Variants in DDX17 observed in about 807,000 individuals in gnomAD.
DDX17 encodes the protein probable ATP-dependent RNA helicase DDX17.
DDX17 carries 10 observed loss-of-function variants against 80.8 expected under a neutral mutation model. That is an observed-to-expected ratio of 0.12 (90% confidence interval 0.08 to 0.21). DDX17 has a LOEUF of 0.21. Among genes scored for constraint, DDX17 ranks in the 10% least tolerant of loss-of-function variants. DDX17 has a pLI of 1.00. For missense variants in DDX17, 586 were observed against 957.4 expected (o/e 0.61, Z 5.12); for synonymous variants, 339 against 336.2 (o/e 1.01, Z -0.09).
chr22:38,498,085 G>A lies in DDX17; in HGVS notation c.738C>T (p.Ile246=), dbSNP rs201507084. Reference sequence around the variant, plus strand: ...TACAAAGAAACTGAAACACACTTACGATTGGGCCATCTCCCCTTTCCAAGT... The same window carrying A: ...TACAAAGAAACTGAAACACACTTACAATTGGGCCATCTCCCCTTTCCAAGT... Residue 246 remains isoleucine, a splice_region_variant and synonymous_variant, in exon 5 of 13, where the codon ATC becomes ATT. Coordinates refer to ENST00000403230, the MANE Select transcript of DDX17 (RefSeq NM_006386.5). 14 of 1,613,374 alleles carry A rather than the reference G, an allele frequency of 8.7e-6. No homozygotes were observed. The East Asian group carries it at 1.6e-4, about 18-fold the overall frequency.
intron 6 of DDX17, 96 bp downstream of exon 6, chr22:38,495,700 G>T: frequency 9.7e-7 from 1 of 1,034,426 alleles, no homozygotes; most frequent in Non-Finnish European, 1.3e-6. Context: ...GAAATTCTGA[G>T]TTTATCACAA....
At chr22:38,495,184 C>T (rs373292149) in intron 6 of DDX17, 138 bp from the exon 7 acceptor site, 16 of 745,682 alleles carry the variant, frequency 2.1e-5, no homozygotes, top group Admixed American at 1.2e-4. Context: ...AGCAAGACCC[C>T]GACTCTACAA....
chr22:38,492,003 C>A, intron 11 of DDX17, 53 bp downstream of exon 11: 1 of 1,320,922 alleles, frequency 7.6e-7, no homozygotes, highest in Non-Finnish European at 1.0e-6. Context: ...AATGACGAAT[C>A]TTTAAACCAA....
chr22:38,506,284 T>C lies in DDX17; in HGVS notation c.-47A>G. 1 of 1,521,096 alleles carries C rather than the reference T, an allele frequency of 6.6e-7. No homozygotes were observed. The highest frequency in any genetic ancestry group is 8.8e-7 in the Non-Finnish European group (1 of 1,137,788). 94.2% of individuals were successfully genotyped at this position (1,521,096 alleles called of 1,614,324 possible). A position where few individuals can be genotyped will look rare whatever the true frequency, so the allele number is the denominator to read the frequency against. ...GCAGTGCCGCGGTTTAGGCGTCTCC[T>C]TCCTTCCCAGCGACTGCACAAAATG... On this transcript the variant is annotated 5_prime_UTR_variant, in exon 1 of 13. Transcript: ENST00000403230.
intron 6 of DDX17, among the ~76,000 whole-genome samples, chr22:38,495,264 G>C (rs1221520294): frequency 4.8e-5 from 1 of 20,828 alleles, no homozygotes; most frequent in Admixed American, 3.8e-4. Context: ...TTTTTTTTTT[G>C]AGATGGAGTC....
chr22:38,493,566 A>G (rs1301394791), intron 10 of DDX17, 144 bp downstream of exon 10: 1 of 658,050 alleles, frequency 1.5e-6, no homozygotes, highest in South Asian at 1.9e-5. Flanking sequence ...GCTATAACAG[A>G]GACCACCATT....
chr22:38,494,326 A>G lies in DDX17; in HGVS notation c.1215-195T>C, dbSNP rs528358656. 1.9e-5 allele frequency: 11 copies of G among 591,060 alleles called. No homozygotes were observed. The South Asian group carries it at 2.4e-4, about 13-fold the overall frequency. The allele number at this position is 591,060 out of a possible 1,614,324, so 36.6% of individuals were successfully genotyped here. On this transcript the variant is annotated intron_variant, in intron 8 of 12. Transcript: ENST00000403230. ...ACTAACTCATACCATCCTCACAGCAAGTCTCATGTAAGTGGTATTACTCCC... is the reference window on the plus strand; with the variant it reads ...ACTAACTCATACCATCCTCACAGCAGGTCTCATGTAAGTGGTATTACTCCC...
At chr22:38,500,589 A>G (rs986025988) in intron 2 of DDX17, among the ~76,000 whole-genome samples, 4 of 150,844 alleles carry the variant, frequency 2.7e-5, no homozygotes, top group African/African-American at 9.7e-5. Context: ...CAGGTCGATC[A>G]CCTGAGGTCC....
chr22:38,489,392 C>T lies in DDX17; in HGVS notation c.1448-1277G>A, dbSNP rs1169537184. 2.0e-6 allele frequency: 2 copies of T among 985,666 alleles called. No homozygotes were observed. The highest frequency in any genetic ancestry group is 2.4e-6 in the Non-Finnish European group (2 of 829,940). 61.1% of individuals were successfully genotyped at this position (985,666 alleles called of 1,614,324 possible). A position where few individuals can be genotyped will look rare whatever the true frequency, so the allele number is the denominator to read the frequency against. On this transcript the variant is annotated intron_variant, in intron 11 of 12. Coordinates refer to ENST00000403230, the MANE Select transcript of DDX17 (RefSeq NM_006386.5). The surrounding 1 kb of genome is among the most constrained non-coding windows in gnomAD (Gnocchi z 4.6). ...CGTGGCAGTGAGAAGTCCCCACACA[C>T]GCTCGCTCTGTGAACTGGCTTAGAT...
At chr22:38,487,132 C>T (rs1301562888) in intron 12 of DDX17, among the ~76,000 whole-genome samples, 1 of 152,118 alleles carries the variant, frequency 6.6e-6, no homozygotes, top group Non-Finnish European at 1.5e-5. Flanking sequence ...CGTGCCACTG[C>T]ACTCCAGTCT....
chr22:38,487,913 C>A lies in DDX17; in HGVS notation c.1650G>T (p.Gln550His). 2 of 1,614,262 alleles carry A rather than the reference C, an allele frequency of 1.2e-6. No individual in the cohort carries two copies. The highest frequency in any genetic ancestry group is 1.7e-6 in the Non-Finnish European group (2 of 1,180,048). The change falls in exon 12 of 13, where the codon CAG (glutamine) becomes CAT (histidine). Residue 550 changes from glutamine (Q) to histidine (H), a missense_variant. This residue lies in a region of DDX17 where 221 missense variants were observed against 261.4 expected (regional missense o/e 0.85). Coordinates refer to ENST00000403230, the MANE Select transcript of DDX17 (RefSeq NM_006386.5). The stretch of plus-strand genomic sequence containing the variant: ...CGCCGCCTCCTCTGTGGTCCACAAG[C>A]TGCATCAGTTTTGGATTGATAGCCT...
intron 5 of DDX17, among the ~76,000 whole-genome samples, 171 bp downstream of exon 5, chr22:38,497,914 G>GATTACC (rs2089786977): frequency 6.6e-6 from 1 of 152,180 alleles, no homozygotes; most frequent in Non-Finnish European, 1.5e-5. Flanking sequence ...CTATTCAATT[G>GATTACC]CTGAGTGATC....
chr22:38,502,411 CAAA>C (rs138458), intron 1 of DDX17, among the ~76,000 whole-genome samples: 8 of 125,964 alleles, frequency 6.4e-5, no homozygotes, highest in Non-Finnish European at 8.2e-5. Context: ...GAGGGTCCGT[CAAA>C]AAAAAAAAAA....
At chr22:38,504,589 A>C (rs960592578) in intron 1 of DDX17, among the ~76,000 whole-genome samples, 1 of 152,234 alleles carries the variant, frequency 6.6e-6, no homozygotes, top group African/African-American at 2.4e-5. Flanking sequence ...CTCATCCTCT[A>C]AACAATGAGA....
chr22:38,501,097 A>T, intron 2 of DDX17, 33 bp downstream of exon 2: 1 of 1,605,708 alleles, frequency 6.2e-7, no homozygotes, highest in Non-Finnish European at 8.5e-7. Context: ...TTGGTTCAAT[A>T]ATCTGTACAT....
rs1445941467 is a variant in DDX17, at chr22:38,505,954, C to G, written c.284G>C (p.Gly95Ala). The G allele has an allele frequency of 6.3e-7, 1 of 1,576,750 alleles. No homozygotes were observed. Residue 95 changes from glycine (G) to alanine (A), a missense_variant, in exon 1 of 13, where the codon GGA (glycine) becomes GCA (alanine). By Grantham distance (60) the Gly-to-Ala change is moderately conservative. Around this residue, in one of 4 missense-constraint regions of DDX17, gnomAD observed 215 missense variants for 238.4 expected, o/e 0.90. Coordinates refer to ENST00000403230, the MANE Select transcript of DDX17 (RefSeq NM_006386.5). ...TCCTCTCCTCCCCCACCCTTACCCT[C>G]CACGGTCACGATCCCGGTCCCGGTC...
At position 38,485,025 on chromosome 22, in the gene DDX17, T is replaced by C. The variant is rs1292417052; in HGVS notation, c.*910A>G. 1 of 152,250 alleles carries C rather than the reference T, an allele frequency of 6.6e-6. No individual in the cohort carries two copies. Among genetic ancestry groups the C allele is most frequent in the Admixed American group, 6.5e-5 (1 of 15,286 alleles). The allele number at this position is 152,250 out of a possible 1,614,324, so 9.4% of individuals were successfully genotyped here. ...TATTGTTTATAATTAAATGTGCTTT[T>C]TACACTGCAGGTCAATATAAAAACT... is the stretch of plus-strand genomic sequence containing the variant. On this transcript the variant is annotated 3_prime_UTR_variant, in exon 13 of 13. Transcript: ENST00000403230.
At chr22:38,492,864 C>A (rs2089726752) in intron 10 of DDX17, among the ~76,000 whole-genome samples, 1 of 152,074 alleles carries the variant, frequency 6.6e-6, no homozygotes, top group Non-Finnish European at 1.5e-5. Context: ...AAAAAAAGGA[C>A]TGAAAGGAAA....
rs2089691898 is a variant in DDX17, at chr22:38,489,339, G to A, written c.1448-1224C>T. The A allele has an allele frequency of 1.0e-6, 1 of 985,582 alleles. No individual in the cohort carries two copies. Among genetic ancestry groups the A allele is most frequent in the Admixed American group, 6.2e-5 (1 of 16,236 alleles). The allele number at this position is 985,582 out of a possible 1,614,324, so 61.1% of individuals were successfully genotyped here. Reference sequence around the variant, plus strand: ...CTCCGCCTTCTGACACGGGACCACTGGAGCGCGGGGAGCATGCATCAAGGG... The same window carrying A: ...CTCCGCCTTCTGACACGGGACCACTAGAGCGCGGGGAGCATGCATCAAGGG... On this transcript the variant is annotated intron_variant, in intron 11 of 12. Transcript: ENST00000403230. This position sits in a 1 kb window ranked among gnomAD's most constrained non-coding sequence, Gnocchi z 4.6.
Sources: gnomAD v4.1 joint callset for allele counts (sites outside exome capture counted in the v4.1 genomes callset) on GRCh38, gnomAD v4.1.1 for gene constraint, gnomAD v4.1.1 regional missense constraint, Gnocchi (gnomAD v3.1) non-coding constraint, MANE v1.5 for transcripts, NCBI Gene and HGNC (gene_info 2026-07-23, HGNC 2026-07-21) for gene names.